SEMA3A: variants seen among roughly 807,000 people sequenced by gnomAD.
The protein encoded by SEMA3A is semaphorin-3A.
SEMA3A carries 29 observed loss-of-function variants against 97.9 expected under a neutral mutation model. The observed-to-expected ratio is 0.30, with a 90% CI of 0.22 to 0.40. The LOEUF (loss-of-function observed/expected upper bound fraction) is 0.40, where lower values mean the gene tolerates loss of function less well. Ranked by LOEUF, SEMA3A falls within the 10% of genes least tolerant of loss-of-function variation. The pLI is 1.00. For synonymous variants in SEMA3A, 321 were observed against 323.7 expected (o/e 0.99, Z 0.09); for missense variants, 763 against 951.3 (o/e 0.80, Z 2.60).
intron 1 of SEMA3A, among the ~76,000 whole-genome samples, chr7:84,484,284 C>T (rs1806519911): frequency 6.6e-6 from 1 of 151,906 alleles, no homozygotes; most frequent in African/African-American, 2.4e-5. Context: ...CAGAGAATAG[C>T]AAGTGGTTAA....
intron 3 of SEMA3A, among the ~76,000 whole-genome samples, chr7:84,293,623 A>C (rs1159021037): frequency 6.6e-6 from 1 of 152,056 alleles, no homozygotes; most frequent in Non-Finnish European, 1.5e-5. Flanking sequence ...TCACAGTTCC[A>C]TAAATTATAA....
chr7:84,302,093 C>A (rs905764842), intron 3 of SEMA3A, among the ~76,000 whole-genome samples: 1 of 151,958 alleles, frequency 6.6e-6, no homozygotes, highest in Admixed American at 6.6e-5. Context: ...CAATGGACTA[C>A]CATTCAGTAA....
intron 3 of SEMA3A, among the ~76,000 whole-genome samples, chr7:84,295,671 C>G (rs927480025): frequency 6.6e-6 from 1 of 151,896 alleles, no homozygotes; most frequent in Non-Finnish European, 1.5e-5. Flanking sequence ...AAAGAAGCAA[C>G]TAATAAGTTA....
chr7:83,969,146 C>A (rs60590322), intron 15 of SEMA3A, among the ~76,000 whole-genome samples: 5,555 of 152,182 alleles, frequency 0.037, 341 homozygotes, highest in African/African-American at 0.13. Flanking sequence ...TTAAAATATA[C>A]TTGTACAAAA....
intron 4 of SEMA3A, among the ~76,000 whole-genome samples, chr7:84,107,402 C>T (rs1487017380): frequency 6.6e-6 from 1 of 152,168 alleles, no homozygotes; most frequent in Non-Finnish European, 1.5e-5. Flanking sequence ...GTCTAGACTG[C>T]TTCAAATTCC....
chr7:84,213,040 C>A (rs1356050702), intron 3 of SEMA3A, among the ~76,000 whole-genome samples: 1 of 152,072 alleles, frequency 6.6e-6, no homozygotes, highest in African/African-American at 2.4e-5. Context: ...CTTGGCTCAT[C>A]GCAACCTCTG....
At chr7:84,047,364 C>T (rs889338489) in intron 5 of SEMA3A, among the ~76,000 whole-genome samples, 20 of 152,074 alleles carry the variant, frequency 1.3e-4, no homozygotes, top group African/African-American at 4.6e-4. Flanking sequence ...CAAGTTATCT[C>T]ATTTAGTTCT....
chr7:84,245,101 G>T (rs1410217516), intron 3 of SEMA3A, among the ~76,000 whole-genome samples: 3 of 152,058 alleles, frequency 2.0e-5, no homozygotes, highest in Admixed American at 6.6e-5. Flanking sequence ...TCTTTGTGGT[G>T]CTCGCTGTAT....
chr7:84,322,355 C>A (rs947904237), intron 2 of SEMA3A, among the ~76,000 whole-genome samples: 3 of 152,078 alleles, frequency 2.0e-5, no homozygotes, highest in Non-Finnish European at 4.4e-5. Context: ...CTTATTTTCT[C>A]ACTGTTATCA....
At chr7:84,110,772 T>C (rs1291415185) in intron 3 of SEMA3A, among the ~76,000 whole-genome samples, 183 bp from the exon 4 acceptor site, 1 of 152,092 alleles carries the variant, frequency 6.6e-6, no homozygotes, top group Non-Finnish European at 1.5e-5. Context: ...TATTATAATA[T>C]GCATTAAAAT....
rs1314296481 is a variant in SEMA3A, at chr7:83,957,877, T to C, written c.*3494A>G. ...CGATACGGGGGTGTTGAATCCTATT[T>C]AAGTCTGTCTTTGAAACCATGAAAC... is the stretch of plus-strand genomic sequence containing the variant. On this transcript the variant is annotated 3_prime_UTR_variant, in exon 17 of 17. Transcript: ENST00000265362. 1 of 152,082 alleles carries C rather than the reference T, an allele frequency of 6.6e-6. No homozygotes were observed. The highest frequency in any genetic ancestry group is 1.5e-5 in the Non-Finnish European group (1 of 67,970). 9.4% of individuals were successfully genotyped at this position (152,082 alleles called of 1,614,324 possible).
At chr7:84,490,858 C>G (rs760948145) in intron 1 of SEMA3A, among the ~76,000 whole-genome samples, 1 of 152,136 alleles carries the variant, frequency 6.6e-6, no homozygotes, top group African/African-American at 2.4e-5. Context: ...TATGTGTGAA[C>G]TGTACTCTAT....
intron 5 of SEMA3A, among the ~76,000 whole-genome samples, chr7:84,056,802 A>G (rs1326464315): frequency 6.6e-6 from 1 of 152,214 alleles, no homozygotes; most frequent in Non-Finnish European, 1.5e-5. Context: ...ATGGTATAAA[A>G]TTGAAAATGT....
intron 2 of SEMA3A, among the ~76,000 whole-genome samples, chr7:84,320,839 C>T (rs1170469210): frequency 6.6e-6 from 1 of 152,086 alleles, no homozygotes; most frequent in Non-Finnish European, 1.5e-5. Context: ...TGTCTAATCT[C>T]TCTGTGCCTT....
chr7:84,471,515 C>T lies in SEMA3A; in HGVS notation c.-246+20945G>A, dbSNP rs535470313. Among the ~76,000 whole-genome samples, 165 of 151,908 alleles carry T rather than the reference C, an allele frequency of 1.1e-3. 1 individual carries two copies. The highest frequency in any genetic ancestry group is 3.6e-3 in the African/African-American group (151 of 41,432). The stretch of plus-strand genomic sequence containing the variant: ...TATGGCATAACTAAACACGTCTATG[C>T]GGGAAGAATCAAAAGACCTTGAAAT... On this transcript the variant is annotated intron_variant, in intron 1 of 3. Coordinates refer to the SEMA3A transcript ENST00000424555.
intron 6 of SEMA3A, among the ~76,000 whole-genome samples, chr7:84,033,461 C>G (rs1791830696): frequency 1.3e-5 from 2 of 152,122 alleles, no homozygotes; most frequent in Non-Finnish European, 2.9e-5. Flanking sequence ...CACACTTAGC[C>G]TATGTTCTTA....
chr7:84,278,648 C>T (rs566566473), intron 3 of SEMA3A, among the ~76,000 whole-genome samples: 64 of 152,060 alleles, frequency 4.2e-4, no homozygotes, highest in African/African-American at 1.5e-3. Context: ...TGGTGGAGAG[C>T]AAAGGAAGGG....
At chr7:84,059,754 C>G (rs982995316) in intron 5 of SEMA3A, among the ~76,000 whole-genome samples, 7 of 150,510 alleles carry the variant, frequency 4.7e-5, no homozygotes, top group African/African-American at 1.7e-4. Context: ...TGTTGGTATG[C>G]TCAAAATTTA....
At position 84,111,121 on chromosome 7, in the gene SEMA3A, A is replaced by G. The variant is rs188692887; in HGVS notation, c.334-532T>C. The stretch of plus-strand genomic sequence containing the variant: ...ATCCAAATGAGTATTCACATGGTAA[A>G]TAATAAAAACTGCATTCAAATTATT... On this transcript the variant is annotated intron_variant, in intron 3 of 16. Transcript: ENST00000265362. Among the ~76,000 whole-genome samples, 7 of 152,350 alleles carry G rather than the reference A, an allele frequency of 4.6e-5. No homozygotes were observed. In the East Asian group the frequency reaches 1.2e-3, roughly 25 times the overall value.
Sources: gnomAD v4.1 joint callset for allele counts (sites outside exome capture counted in the v4.1 genomes callset) on GRCh38, gnomAD v4.1.1 for gene constraint, MANE v1.5 for transcripts, NCBI Gene and HGNC (gene_info 2026-07-23, HGNC 2026-07-21) for gene names.